PCDHA11: variants seen among roughly 807,000 people sequenced by gnomAD.
The protein encoded by PCDHA11 is protocadherin alpha-11.
Under a neutral mutation model 70.3 loss-of-function variants are expected in PCDHA11, and 61 were observed. The ratio of observed to expected loss-of-function variants is 0.87; its 90% confidence interval spans 0.71 to 1.07. The LOEUF is 1.07. PCDHA11 is among the 50% of genes least tolerant of loss of function. The probability of loss-of-function intolerance (pLI) is 0.00; values close to 1 mark genes in which losing one functional copy is unlikely to be tolerated. For missense variants in PCDHA11, 1,324 were observed against 1,237.5 expected (o/e 1.07, Z -1.05); for synonymous variants, 633 against 555.1 (o/e 1.14, Z -1.97).
intron 1 of PCDHA11, chr5:140,876,328 C>T: frequency 6.2e-7 from 1 of 1,613,940 alleles, no homozygotes; most frequent in Non-Finnish European, 8.5e-7. Context: ...AATGATTTTG[C>T]CAGTGAGTGA....
intron 1 of PCDHA11, among the ~76,000 whole-genome samples, chr5:140,900,291 T>C (rs1397328670): frequency 6.6e-6 from 1 of 151,992 alleles, no homozygotes; most frequent in East Asian, 2.0e-4. Flanking sequence ...TTCTTTTCTG[T>C]TTTTTTAGAC....
intron 1 of PCDHA11, among the ~76,000 whole-genome samples, chr5:140,906,383 T>A (rs1386557574): frequency 6.6e-6 from 1 of 152,214 alleles, no homozygotes; most frequent in African/African-American, 2.4e-5. Context: ...TTACATAAAG[T>A]TAACATTTAA....
At chr5:140,975,352 T>G (rs2096663445) in intron 1 of PCDHA11, among the ~76,000 whole-genome samples, 1 of 152,256 alleles carries the variant, frequency 6.6e-6, no homozygotes, top group African/African-American at 2.4e-5. Flanking sequence ...TAAAGCCAAC[T>G]GTGCTACATA....
chr5:140,912,145 C>T (rs561351882), intron 1 of PCDHA11, among the ~76,000 whole-genome samples: 1 of 152,302 alleles, frequency 6.6e-6, no homozygotes, highest in African/African-American at 2.4e-5. Flanking sequence ...CCATGTTCTT[C>T]TGCCTGTTTT....
chr5:141,005,335 G>A, intron 3 of PCDHA11, among the ~76,000 whole-genome samples: 1 of 152,148 alleles, frequency 6.6e-6, no homozygotes, highest in Middle Eastern at 3.2e-3. Context: ...ATAGGCCAAG[G>A]GGGTGCTGCT....
intron 1 of PCDHA11, among the ~76,000 whole-genome samples, chr5:140,939,871 T>G (rs2092481346): frequency 6.6e-6 from 1 of 152,230 alleles, no homozygotes; most frequent in Non-Finnish European, 1.5e-5. Context: ...TAGGTCATCT[T>G]TGCTAGTTGT....
intron 1 of PCDHA11, among the ~76,000 whole-genome samples, chr5:140,901,369 C>G (rs1366309820): frequency 1.3e-5 from 2 of 152,120 alleles, no homozygotes; most frequent in African/African-American, 2.4e-5. Flanking sequence ...GTCTTTAATC[C>G]ATTTTAATTC....
Position 140,871,082 on chromosome 5 carries a change from C to T in PCDHA11, c.1979C>T (p.Ala660Val). 6.2e-7 allele frequency: 1 copy of T among 1,613,246 alleles called. No homozygotes were observed. Among genetic ancestry groups the T allele is most frequent in the Non-Finnish European group, 8.5e-7 (1 of 1,179,852 alleles). ...GATCACGGTGAGCCGGCGCTGACGG[C>T]CACGGCCACCGTGCTGGTGTCGTTG... ...VKDHGEPALT[A>V]TATVLVSLVE... is the part of the protein sequence containing the mutation. Residue 660 changes from alanine (A) to valine (V), a missense_variant, in exon 1 of 4, where the codon GCC becomes GTC. By Grantham distance (64) the Ala-to-Val change is moderately conservative. Transcript: ENST00000398640.
At chr5:140,876,956 T>A in intron 1 of PCDHA11, 1 of 1,613,342 alleles carries the variant, frequency 6.2e-7, no homozygotes, top group Non-Finnish European at 8.5e-7. Flanking sequence ...TACTCGCTGG[T>A]GGAGCGGCGG....
chr5:140,873,995 GT>G (rs1354813199), intron 1 of PCDHA11, among the ~76,000 whole-genome samples: 2 of 152,166 alleles, frequency 1.3e-5, no homozygotes, highest in African/African-American at 4.8e-5. Context: ...AGCATGTATG[GT>G]ACATTGACCA....
chr5:140,972,820 C>T (rs1247488574), intron 1 of PCDHA11, among the ~76,000 whole-genome samples: 1 of 151,962 alleles, frequency 6.6e-6, no homozygotes, highest in Non-Finnish European at 1.5e-5. Context: ...CGCGCCACCA[C>T]GCCTGGCTAA....
chr5:140,883,627 G>T (rs781902332), intron 1 of PCDHA11: 78 of 1,613,816 alleles, frequency 4.8e-5, no homozygotes, highest in Non-Finnish European at 6.2e-5. Flanking sequence ...ACAACGCGCC[G>T]GCGTTCGCGC....
At chr5:140,875,264 C>CTACA in intron 1 of PCDHA11, 1 of 1,189,324 alleles carries the variant, frequency 8.4e-7, no homozygotes, top group Non-Finnish European at 1.1e-6. Context: ...TGATGTCGCT[C>CTACA]TACACTCAGA....
At chr5:140,935,996 G>C (rs145363850) in intron 1 of PCDHA11, among the ~76,000 whole-genome samples, 1,644 of 150,942 alleles carry the variant, frequency 0.011, 22 homozygotes, top group African/African-American at 0.037. Flanking sequence ...GGGTTCAAGC[G>C]ATTCTCCCAC....
intron 1 of PCDHA11, chr5:140,968,340 A>G: frequency 6.2e-7 from 1 of 1,614,136 alleles, no homozygotes; most frequent in African/African-American, 1.3e-5. Context: ...GTCTCCATTA[A>G]CAGTGCCAGT....
chr5:140,889,259 G>C (rs371831027), intron 1 of PCDHA11, among the ~76,000 whole-genome samples: 37 of 151,916 alleles, frequency 2.4e-4, no homozygotes, highest in African/African-American at 6.7e-4. Context: ...TCCTGTAAAA[G>C]TTTGTATAAT....
chr5:140,871,722 A>G (rs1354844618), intron 1 of PCDHA11: 1 of 760,470 alleles, frequency 1.3e-6, no homozygotes, highest in Non-Finnish European at 2.0e-6. Context: ...ATTTCTCTTA[A>G]TATTTGGTTA....
intron 1 of PCDHA11, among the ~76,000 whole-genome samples, chr5:140,878,435 A>G (rs1582436641): frequency 6.6e-6 from 1 of 152,242 alleles, no homozygotes; most frequent in African/African-American, 2.4e-5. Context: ...TAGATACTGT[A>G]CTATTCTTAT....
In PCDHA11 at chr5:140,870,649, G is replaced by T. The variant is rs533111347; in HGVS notation, c.1546G>T (p.Val516Leu). The T allele has an allele frequency of 1.2e-6, 2 of 1,612,592 alleles. No individual in the cohort carries two copies. The highest frequency in any genetic ancestry group is 1.7e-6 in the Non-Finnish European group (2 of 1,179,796). The stretch of plus-strand genomic sequence containing the variant: ...GTCGGTGCACGCGGAGAGCGGCAAG[G>T]TGTACGCGCTGCAGCCGTTGGACCA... The part of the protein sequence containing the change: ...YVSVHAESGK[V>L]YALQPLDHEE... The change falls in exon 1 of 4, where the codon GTG becomes TTG. Residue 516 changes from valine (V) to leucine (L), a missense_variant. Transcript: ENST00000398640.
Sources: allele counts gnomAD v4.1 joint callset (sites outside exome capture counted in the v4.1 genomes callset), GRCh38; gene constraint gnomAD v4.1.1; transcripts MANE v1.5; gene names NCBI Gene and HGNC (gene_info 2026-07-23, HGNC 2026-07-21).